The following DCDC1 variants were observed in gnomAD, a reference collection of about 807,000 sequenced individuals.
DCDC1 encodes doublecortin domain containing 1, also known as doublecortin domain-containing protein 1.
In DCDC1, 200 loss-of-function variants were observed where a neutral mutation model predicts 178.3. The ratio of observed to expected loss-of-function variants is 1.12; its 90% CI spans 1.00 to 1.26. The LOEUF (loss-of-function observed/expected upper bound fraction) is 1.26, where lower values mean the gene tolerates loss of function less well. Among genes scored for constraint, DCDC1 ranks in the 50% most tolerant of loss-of-function variants. The pLI, the probability that DCDC1 is intolerant of heterozygous loss-of-function variation, is 0.00. For missense variants in DCDC1, 1,983 were observed against 1,749.2 expected, an observed-to-expected ratio of 1.13 and a Z score of -2.38; for synonymous variants, 690 against 604.8, an observed-to-expected ratio of 1.14 and a Z score of -2.07.
At chr11:31,225,658 T>C (rs1452587829) in intron 9 of DCDC1, among the ~76,000 whole-genome samples, 2 of 149,198 alleles carry the variant, frequency 1.3e-5, no homozygotes, top group African/African-American at 5.0e-5. Context: ...CAGATAATGG[T>C]TACCTCTAGA....
At chr11:31,266,612 G>A (rs1466220978) in intron 7 of DCDC1, among the ~76,000 whole-genome samples, 2 of 152,078 alleles carry the variant, frequency 1.3e-5, no homozygotes, top group Non-Finnish European at 2.9e-5. Flanking sequence ...TACTACTGAA[G>A]GACAATGTGA....
rs536477607 is a variant in DCDC1 at position 31,194,902 on chromosome 11, C to T, written c.1221+46548G>A. 9.7e-4 allele frequency among the ~76,000 whole-genome samples: 147 copies of T among 152,174 alleles called. 2 individuals carry two copies. The South Asian group carries it at 0.02, about 21-fold the overall frequency. On this transcript the variant is annotated intron_variant, in intron 9 of 38. Transcript: ENST00000684477. ...AGATATTTACTGAGTATCATGTGTT[C>T]CCTAATTAAACTGCAGCAGTCACCA...
intron 20 of DCDC1, among the ~76,000 whole-genome samples, chr11:30,959,652 G>A (rs1948975671): frequency 1.3e-5 from 2 of 152,094 alleles, no homozygotes; most frequent in African/African-American, 4.8e-5. Flanking sequence ...CATGGGCTCT[G>A]GCTTCCCCAG....
chr11:31,356,102 T>C (rs1201028108), intron 1 of DCDC1, among the ~76,000 whole-genome samples: 4 of 152,116 alleles, frequency 2.6e-5, no homozygotes, highest in African/African-American at 9.7e-5. Flanking sequence ...TTAGAGGAGA[T>C]AGCTACAGTA....
intron 9 of DCDC1, among the ~76,000 whole-genome samples, chr11:31,139,198 T>C (rs931926662): frequency 6.6e-6 from 1 of 152,166 alleles, no homozygotes; most frequent in African/African-American, 2.4e-5. Context: ...TGAGCATGAC[T>C]GTGCTTCAAC....
At chr11:31,146,573 T>TGGTC (rs1272754481) in intron 9 of DCDC1, among the ~76,000 whole-genome samples, 1 of 152,192 alleles carries the variant, frequency 6.6e-6, no homozygotes, top group East Asian at 1.9e-4. Context: ...CAGCAGCTGC[T>TGGTC]GGTCGATGGA....
intron 11 of DCDC1, among the ~76,000 whole-genome samples, chr11:31,112,613 T>C (rs1591085812): frequency 6.6e-6 from 1 of 152,238 alleles, no homozygotes; most frequent in Admixed American, 6.5e-5. Context: ...ACCTAAAAAA[T>C]CATGATGCAG....
chr11:31,233,233 C>A (rs1976032216), intron 9 of DCDC1, among the ~76,000 whole-genome samples: 1 of 152,178 alleles, frequency 6.6e-6, no homozygotes, highest in African/African-American at 2.4e-5. Context: ...TCATTCTATT[C>A]ATGCTAGTCT....
intron 20 of DCDC1, among the ~76,000 whole-genome samples, chr11:30,996,114 C>T (rs79692031): frequency 6.6e-6 from 1 of 152,148 alleles, no homozygotes; most frequent in Non-Finnish European, 1.5e-5. Flanking sequence ...TCTGAACAGA[C>T]CCATCACCGA....
At chr11:31,239,147 T>C (rs1976807272) in intron 9 of DCDC1, among the ~76,000 whole-genome samples, 1 of 152,072 alleles carries the variant, frequency 6.6e-6, no homozygotes. Context: ...ATCATACGAT[T>C]TATAAACTTT....
At chr11:31,210,577 G>T (rs1313772138) in intron 9 of DCDC1, among the ~76,000 whole-genome samples, 1 of 151,972 alleles carries the variant, frequency 6.6e-6, no homozygotes, top group Non-Finnish European at 1.5e-5. Flanking sequence ...TGGGCATGGT[G>T]GCACATGCCT....
At chr11:31,225,002 C>G (rs529570542) in intron 9 of DCDC1, among the ~76,000 whole-genome samples, 8 of 152,092 alleles carry the variant, frequency 5.3e-5, no homozygotes, top group Admixed American at 1.3e-4. Context: ...AGCAATCCCA[C>G]TACTAGGAAT....
intron 20 of DCDC1, among the ~76,000 whole-genome samples, chr11:30,982,718 GTATT>G (rs1255358533): frequency 8.5e-5 from 13 of 152,088 alleles, no homozygotes; most frequent in Non-Finnish European, 1.9e-4. Context: ...CAGCTGCTGT[GTATT>G]TATTTTTCAT....
chr11:31,064,436 G>C, intron 20 of DCDC1, 33 bp downstream of exon 20: 1 of 716,142 alleles, frequency 1.4e-6, no homozygotes, highest in East Asian at 2.5e-5. Context: ...GAATGTCATT[G>C]AGCAATAAAG....
intron 6 of DCDC1, 137 bp from the exon 7 acceptor site, chr11:31,290,989 A>G: frequency 1.3e-6 from 1 of 750,908 alleles, no homozygotes; most frequent in Admixed American, 3.1e-5. Context: ...CTGAAATGCT[A>G]CCACCAGTTT....
chr11:31,212,592 T>C (rs893206072), intron 9 of DCDC1, among the ~76,000 whole-genome samples: 9 of 152,146 alleles, frequency 5.9e-5, no homozygotes, highest in Admixed American at 6.5e-5. Context: ...TCACTACTAA[T>C]GAATTAACAG....
At chr11:30,904,181 GATCCCTGGGTGA>G (rs1371734859) in intron 31 of DCDC1, 6 of 152,230 alleles carry the variant, frequency 3.9e-5, no homozygotes, top group African/African-American at 1.4e-4. Flanking sequence ...GCCAGCTGTG[GATCCCTGGGTGA>G]ATCTTGGAGT....
chr11:30,916,382 G>GATGA (rs1945840129), intron 26 of DCDC1, among the ~76,000 whole-genome samples: 1 of 152,160 alleles, frequency 6.6e-6, no homozygotes, highest in Non-Finnish European at 1.5e-5. Flanking sequence ...GTGTTCCAGT[G>GATGA]ACTGCTGTAA....
At chr11:31,033,932 G>A (rs1307012262) in intron 20 of DCDC1, among the ~76,000 whole-genome samples, 2 of 137,518 alleles carry the variant, frequency 1.5e-5, no homozygotes, top group Non-Finnish European at 3.0e-5. Flanking sequence ...ATCACCTGAG[G>A]CCAGGAGTTC....
Sources: gnomAD v4.1 joint callset for allele counts (sites outside exome capture counted in the v4.1 genomes callset) on GRCh38, gnomAD v4.1.1 for gene constraint, MANE v1.5 for transcripts, NCBI Gene and HGNC (gene_info 2026-07-23, HGNC 2026-07-21) for gene names.